Variants in IL1RAPL1 observed in about 807,000 individuals in gnomAD.
IL1RAPL1 encodes the protein interleukin 1 receptor accessory protein like 1, also known as interleukin-1 receptor accessory protein-like 1.
A neutral mutation model predicts 48.4 loss-of-function variants in IL1RAPL1; 3 were observed. That is an observed-to-expected ratio of 0.06 (90% CI 0.03 to 0.16). IL1RAPL1 has a LOEUF of 0.16. IL1RAPL1 is among the 10% of genes least tolerant of loss of function. The pLI is 1.00. For synonymous variants in IL1RAPL1, 185 were observed against 187.7 expected, an observed-to-expected ratio of 0.99 and a Z score of 0.12; for missense variants, 349 against 530.6, an observed-to-expected ratio of 0.66 and a Z score of 3.36.
intron 2 of IL1RAPL1, among the ~76,000 whole-genome samples, chrX:29,035,110 A>ATTTGTTTG (rs746927010): frequency 2.7e-5 from 3 of 110,541 alleles, no homozygotes; most frequent in Non-Finnish European, 5.7e-5. Flanking sequence ...AATTTTTTGT[A>ATTTGTTTG]TTTGTTTGTT....
intron 5 of IL1RAPL1, among the ~76,000 whole-genome samples, chrX:29,613,203 T>C (rs183637668): frequency 8.9e-6 from 1 of 112,717 alleles, no homozygotes; most frequent in Non-Finnish European, 1.9e-5. Context: ...TTAATTTTAA[T>C]AGTATATTTA....
chrX:28,860,397 C>T (rs901875231), intron 2 of IL1RAPL1, among the ~76,000 whole-genome samples: 17 of 110,034 alleles, frequency 1.5e-4, no homozygotes, highest in Non-Finnish European at 3.0e-4. Context: ...ATTGTAAGCA[C>T]TCAACATGTA....
chrX:29,741,359 T>C (rs948414318), intron 6 of IL1RAPL1, among the ~76,000 whole-genome samples: 5 of 112,170 alleles, frequency 4.5e-5, no homozygotes, highest in African/African-American at 1.3e-4. Context: ...CCAGCAGACA[T>C]ACTGTGTGAG....
intron 2 of IL1RAPL1, among the ~76,000 whole-genome samples, chrX:29,259,378 A>T (rs1434015234): frequency 9.0e-6 from 1 of 111,650 alleles, no homozygotes; most frequent in Admixed American, 9.6e-5. Context: ...TCTAGGACAG[A>T]AATAATATAA....
At chrX:29,179,376 C>T (rs1475035944) in intron 2 of IL1RAPL1, among the ~76,000 whole-genome samples, 10 of 111,480 alleles carry the variant, frequency 9.0e-5, no homozygotes, top group Admixed American at 6.7e-4. Context: ...TGGGAGTTCA[C>T]TCATGATTTG....
At chrX:29,139,716 A>G (rs1929208915) in intron 2 of IL1RAPL1, among the ~76,000 whole-genome samples, 1 of 111,591 alleles carries the variant, frequency 9.0e-6, no homozygotes, top group Non-Finnish European at 1.9e-5. Context: ...GGGGCAAGGC[A>G]TAGGGAAAAG....
intron 1 of IL1RAPL1, among the ~76,000 whole-genome samples, chrX:28,663,202 A>AG (rs1357513276): frequency 1.8e-5 from 2 of 110,810 alleles, no homozygotes; most frequent in Non-Finnish European, 3.8e-5. Flanking sequence ...TAAAGGTGGC[A>AG]GGAAGTTTAC....
At chrX:29,120,354 A>G (rs764517996) in intron 2 of IL1RAPL1, among the ~76,000 whole-genome samples, 1 of 112,095 alleles carries the variant, frequency 8.9e-6, no homozygotes, top group South Asian at 3.7e-4. Context: ...ATTCTTCTGC[A>G]TATGACTAGC....
chrX:29,466,045 A>G (rs756561585), intron 5 of IL1RAPL1, among the ~76,000 whole-genome samples: 3 of 112,736 alleles, frequency 2.7e-5, no homozygotes, highest in South Asian at 7.3e-4. Context: ...CAGATAAACA[A>G]CAAATACTTT....
chrX:28,702,785 A>C (rs191699922), intron 1 of IL1RAPL1, among the ~76,000 whole-genome samples: 2 of 110,705 alleles, frequency 1.8e-5, no homozygotes, highest in East Asian at 5.7e-4. Flanking sequence ...ATTTCACATA[A>C]TTGTTTAACA....
At chrX:29,527,997 T>G (rs2147776626) in intron 5 of IL1RAPL1, among the ~76,000 whole-genome samples, 1 of 112,254 alleles carries the variant, frequency 8.9e-6, no homozygotes, top group South Asian at 3.7e-4. Flanking sequence ...ATATGAACAT[T>G]TCACAATATA....
chrX:29,008,465 C>T (rs1185374887), intron 2 of IL1RAPL1, among the ~76,000 whole-genome samples: 5 of 111,908 alleles, frequency 4.5e-5, no homozygotes, highest in African/African-American at 9.7e-5. Flanking sequence ...CGTGAGCCAC[C>T]GCGCGTGGCC....
chrX:28,948,596 C>T (rs765100384), intron 2 of IL1RAPL1, among the ~76,000 whole-genome samples: 10 of 111,766 alleles, frequency 8.9e-5, no homozygotes, highest in African/African-American at 3.2e-4. Flanking sequence ...GATGGAATAG[C>T]AGTCTCCTTG....
chrX:29,180,913 A>G (rs755582251), intron 2 of IL1RAPL1, among the ~76,000 whole-genome samples: 7 of 111,954 alleles, frequency 6.3e-5, no homozygotes, highest in Non-Finnish European at 1.3e-4. Flanking sequence ...GTCTGTGTAT[A>G]TATCAAATTG....
At chrX:28,936,461 G>A (rs1356901358) in intron 2 of IL1RAPL1, among the ~76,000 whole-genome samples, 1 of 110,613 alleles carries the variant, frequency 9.0e-6, no homozygotes, top group Non-Finnish European at 1.9e-5. Context: ...AGTGAGCTAC[G>A]ATTATGCTAG....
chrX:29,640,258 T>C (rs1925125196), intron 5 of IL1RAPL1, among the ~76,000 whole-genome samples: 1 of 112,295 alleles, frequency 8.9e-6, no homozygotes, highest in African/African-American at 3.2e-5. Flanking sequence ...TGAACAGTAA[T>C]CACTGCTATT....
At chrX:28,995,648 A>C (rs1434349710) in intron 2 of IL1RAPL1, among the ~76,000 whole-genome samples, 1 of 111,499 alleles carries the variant, frequency 9.0e-6, no homozygotes. Context: ...GAGGTTCTCC[A>C]AAAACACCTC....
At chrX:28,918,831 AG>A (rs1475856582) in intron 2 of IL1RAPL1, among the ~76,000 whole-genome samples, 4 of 111,737 alleles carry the variant, frequency 3.6e-5, no homozygotes, top group Non-Finnish European at 7.5e-5. Flanking sequence ...GGTCTGGCAA[AG>A]TGCTGGATAA....
chrX:29,936,937 C>T (rs190478949), intron 8 of IL1RAPL1, among the ~76,000 whole-genome samples: 1 of 111,861 alleles, frequency 8.9e-6, no homozygotes, highest in African/African-American at 3.2e-5. Flanking sequence ...ACAATTTATT[C>T]CAAAGCAGTC....
Sources: gnomAD v4.1 joint callset for allele counts (sites outside exome capture counted in the v4.1 genomes callset) on GRCh38, gnomAD v4.1.1 for gene constraint, MANE v1.5 for transcripts, NCBI Gene and HGNC (gene_info 2026-07-23, HGNC 2026-07-21) for gene names.